NEGR1: variants seen among roughly 807,000 people sequenced by gnomAD.
The protein encoded by NEGR1 is neuronal growth regulator 1, also known as IgLON family member 4.
NEGR1 carries 10 observed loss-of-function variants against 40.9 expected under a neutral mutation model. The ratio of observed to expected loss-of-function variants is 0.24; its 90% CI spans 0.15 to 0.42. The LOEUF is 0.42. Ranked by LOEUF, NEGR1 falls within the 10% of genes least tolerant of loss-of-function variation. The pLI is 1.00. For synonymous variants in NEGR1, 185 were observed against 166.8 expected, an observed-to-expected ratio of 1.11 and a Z score of -0.84; for missense variants, 352 against 438.9, an observed-to-expected ratio of 0.80 and a Z score of 1.77.
intron 2 of NEGR1, among the ~76,000 whole-genome samples, chr1:71,801,495 CTTG>C (rs1375300965): frequency 6.6e-6 from 1 of 152,146 alleles, no homozygotes; most frequent in Admixed American, 6.6e-5. Flanking sequence ...AATGAAAACT[CTTG>C]TTATTTCCAC....
At chr1:72,066,068 T>C (rs1647264332) in intron 1 of NEGR1, among the ~76,000 whole-genome samples, 1 of 152,094 alleles carries the variant, frequency 6.6e-6, no homozygotes, top group African/African-American at 2.4e-5. Flanking sequence ...TATAGAAATA[T>C]AGACTCAATA....
intron 5 of NEGR1, among the ~76,000 whole-genome samples, chr1:71,600,327 T>C (rs979585527): frequency 6.6e-6 from 1 of 152,160 alleles, no homozygotes; most frequent in Non-Finnish European, 1.5e-5. Context: ...CATTTCCAGG[T>C]AGATTTAGAG....
intron 6 of NEGR1, among the ~76,000 whole-genome samples, chr1:71,576,945 C>T (rs1016545465): frequency 7.2e-5 from 11 of 152,188 alleles, no homozygotes; most frequent in African/African-American, 2.7e-4. Flanking sequence ...GTCCTTGATA[C>T]AGTGATGCTA....
intron 2 of NEGR1, among the ~76,000 whole-genome samples, chr1:71,934,624 C>T (rs554006965): frequency 1.3e-5 from 2 of 152,102 alleles, no homozygotes; most frequent in Non-Finnish European, 2.9e-5. Context: ...AGGTTTCAAA[C>T]ATTTAATGTG....
intron 2 of NEGR1, among the ~76,000 whole-genome samples, chr1:71,909,816 A>C (rs1204226880): frequency 1.3e-5 from 2 of 152,204 alleles, no homozygotes; most frequent in Non-Finnish European, 2.9e-5. Flanking sequence ...AATATTGAGG[A>C]GATGTTTGAA....
At chr1:72,038,050 A>C (rs1646918455) in intron 1 of NEGR1, among the ~76,000 whole-genome samples, 1 of 152,100 alleles carries the variant, frequency 6.6e-6, no homozygotes, top group Non-Finnish European at 1.5e-5. Context: ...CTCATATATC[A>C]GGACTTAGTA....
At chr1:71,797,846 A>C (rs984691043) in intron 2 of NEGR1, among the ~76,000 whole-genome samples, 9 of 152,094 alleles carry the variant, frequency 5.9e-5, no homozygotes, top group Non-Finnish European at 1.0e-4. Context: ...ACTTAGTCAT[A>C]AATTTTCTAT....
intron 2 of NEGR1, among the ~76,000 whole-genome samples, chr1:71,807,987 C>T (rs1405390179): frequency 6.6e-6 from 1 of 152,086 alleles, no homozygotes; most frequent in African/African-American, 2.4e-5. Flanking sequence ...CATATTGTAT[C>T]CTTTAAAAGA....
At chr1:71,607,164 T>C (rs1439069903) in intron 5 of NEGR1, among the ~76,000 whole-genome samples, 2 of 152,218 alleles carry the variant, frequency 1.3e-5, no homozygotes, top group African/African-American at 4.8e-5. Flanking sequence ...GACAGCTTCA[T>C]GTTCCCAGTT....
At chr1:71,799,311 T>C (rs866864003) in intron 2 of NEGR1, among the ~76,000 whole-genome samples, 11 of 152,198 alleles carry the variant, frequency 7.2e-5, no homozygotes, top group Non-Finnish European at 4.4e-5. Context: ...TTTCTGTTCC[T>C]GTATTAGTCT....
At chr1:71,552,311 A>C (rs960290955) in intron 6 of NEGR1, among the ~76,000 whole-genome samples, 2 of 149,668 alleles carry the variant, frequency 1.3e-5, no homozygotes, top group Non-Finnish European at 3.0e-5. Flanking sequence ...TGGCCCTTCT[A>C]TTATATATAT....
chr1:71,437,590 A>G (rs1646518117), intron 6 of NEGR1, among the ~76,000 whole-genome samples: 1 of 152,204 alleles, frequency 6.6e-6, no homozygotes, highest in Admixed American at 6.5e-5. Context: ...TCTTATGAAA[A>G]TATTTACAAA....
chr1:71,923,335 C>T (rs1380894870), intron 2 of NEGR1, among the ~76,000 whole-genome samples: 1 of 150,814 alleles, frequency 6.6e-6, no homozygotes, highest in Non-Finnish European at 1.5e-5. Flanking sequence ...GGCCAGGGCA[C>T]CTTACACTTG....
chr1:71,528,900 T>C (rs1292420871), intron 6 of NEGR1, among the ~76,000 whole-genome samples: 1 of 151,218 alleles, frequency 6.6e-6, no homozygotes, highest in African/African-American at 2.4e-5. Flanking sequence ...TGCTTAATGA[T>C]AGCCATTTTA....
intron 2 of NEGR1, among the ~76,000 whole-genome samples, chr1:71,917,473 T>TG (rs1480148417): frequency 6.6e-6 from 1 of 151,974 alleles, no homozygotes; most frequent in Non-Finnish European, 1.5e-5. Flanking sequence ...GCCATATCAA[T>TG]TTTTTTTAAC....
intron 6 of NEGR1, among the ~76,000 whole-genome samples, chr1:71,550,818 A>T (rs532024773): frequency 6.6e-6 from 1 of 151,662 alleles, no homozygotes; most frequent in Non-Finnish European, 1.5e-5. Flanking sequence ...TAAGGAATTT[A>T]GTTTCTTTCT....
intron 1 of NEGR1, among the ~76,000 whole-genome samples, chr1:72,217,088 C>A (rs1653847261): frequency 6.6e-6 from 1 of 151,456 alleles, no homozygotes; most frequent in South Asian, 2.1e-4. Flanking sequence ...AATAGTATCC[C>A]CAATTTTAAA....
intron 6 of NEGR1, among the ~76,000 whole-genome samples, chr1:71,449,191 G>C (rs1024543981): frequency 6.6e-6 from 1 of 152,158 alleles, no homozygotes; most frequent in East Asian, 1.9e-4. Context: ...GTTAAGAGAG[G>C]TATAAGAGTT....
chr1:72,154,741 G>A (rs1036447197), intron 1 of NEGR1, among the ~76,000 whole-genome samples: 5 of 151,846 alleles, frequency 3.3e-5, no homozygotes, highest in African/African-American at 1.2e-4. Flanking sequence ...CTTTACACAT[G>A]ACTTACAGGG....
Sources: gnomAD v4.1 joint callset for allele counts (sites outside exome capture counted in the v4.1 genomes callset) on GRCh38, gnomAD v4.1.1 for gene constraint, MANE v1.5 for transcripts, NCBI Gene and HGNC (gene_info 2026-07-23, HGNC 2026-07-21) for gene names.